ITGB3BP: variants seen among roughly 807,000 people sequenced by gnomAD.
ITGB3BP encodes the protein integrin subunit beta 3 binding protein.
Under a neutral mutation model 29.1 loss-of-function variants are expected in ITGB3BP, and 27 were observed. The observed-to-expected ratio is 0.93, with a 90% CI of 0.68 to 1.28. The LOEUF is 1.28. Ranked by LOEUF, ITGB3BP falls within the 50% of genes most tolerant of loss-of-function variation. The pLI, the probability that ITGB3BP is intolerant of heterozygous loss-of-function variation, is 0.00. For missense variants in ITGB3BP, 192 were observed against 200.2 expected (o/e 0.96, Z 0.25); for synonymous variants, 61 against 61.4 (o/e 0.99, Z 0.03).
chr1:63,474,206 C>T (rs1282814913), intron 4 of ITGB3BP, among the ~76,000 whole-genome samples: 14 of 133,600 alleles, frequency 1.0e-4, no homozygotes, highest in South Asian at 2.7e-4. Context: ...CGCCTCTGCC[C>T]GGCCGCCCCT....
At chr1:63,485,410 C>T (rs1276822731) in intron 3 of ITGB3BP, among the ~76,000 whole-genome samples, 4 of 147,858 alleles carry the variant, frequency 2.7e-5, no homozygotes, top group Non-Finnish European at 4.5e-5. Flanking sequence ...GTTTTTCACC[C>T]GCCCTCCAAT....
intron 7 of ITGB3BP, among the ~76,000 whole-genome samples, chr1:63,450,994 TAG>T (rs1037609887): frequency 1.3e-5 from 2 of 151,948 alleles, no homozygotes; most frequent in Non-Finnish European, 2.9e-5. Context: ...TTTAAAACAC[TAG>T]AGTGTTATTT....
chr1:63,526,976 G>C (rs1646603078), upstream of ITGB3BP, among the ~76,000 whole-genome samples: 1 of 152,154 alleles, frequency 6.6e-6, no homozygotes, highest in Non-Finnish European at 1.5e-5. Context: ...TGTTGGCCAG[G>C]CTGGTCTCGA....
At chr1:63,493,914 T>C (rs537956481) in intron 2 of ITGB3BP, among the ~76,000 whole-genome samples, 1 of 152,360 alleles carries the variant, frequency 6.6e-6, no homozygotes, top group African/African-American at 2.4e-5. Flanking sequence ...ACAGATACTG[T>C]AGTGTCTGGT....
chr1:63,452,861 TTGC>T (rs1465220925), intron 7 of ITGB3BP, among the ~76,000 whole-genome samples: 1 of 152,156 alleles, frequency 6.6e-6, no homozygotes, highest in Non-Finnish European at 1.5e-5. Flanking sequence ...GCACTTTCCA[TTGC>T]CAACCGATCA....
chr1:63,485,549 CAT>C (rs1195781164), intron 3 of ITGB3BP, among the ~76,000 whole-genome samples: 2 of 151,758 alleles, frequency 1.3e-5, no homozygotes, highest in Non-Finnish European at 1.5e-5. Flanking sequence ...ATTAGATTAA[CAT>C]GTTTGCTAAT....
chr1:63,520,437 A>C (rs1422489701), intron 1 of ITGB3BP, among the ~76,000 whole-genome samples: 3 of 152,196 alleles, frequency 2.0e-5, no homozygotes, highest in Non-Finnish European at 4.4e-5. Context: ...CAGAAAGAGG[A>C]GCAAGATTGG....
At chr1:63,520,168 T>C (rs1570344867) in intron 1 of ITGB3BP, among the ~76,000 whole-genome samples, 1 of 152,124 alleles carries the variant, frequency 6.6e-6, no homozygotes, top group African/African-American at 2.4e-5. Context: ...TAAAAAGACA[T>C]GTATCTGTCT....
chr1:63,474,884 A>G (rs528170333), intron 4 of ITGB3BP, among the ~76,000 whole-genome samples: 2 of 10,618 alleles, frequency 1.9e-4, no homozygotes, highest in Non-Finnish European at 4.9e-4. Flanking sequence ...CCCAAGAATG[A>G]TCAATAAAAA....
chr1:63,467,531 T>TGATC (rs1557619622), intron 4 of ITGB3BP, among the ~76,000 whole-genome samples: 1 of 151,396 alleles, frequency 6.6e-6, no homozygotes, highest in Non-Finnish European at 1.5e-5. Flanking sequence ...GCTGATTGAT[T>TGATC]GATTGATTGA....
chr1:63,446,684 T>C, intron 8 of ITGB3BP, 122 bp downstream of exon 8: 2 of 711,504 alleles, frequency 2.8e-6, no homozygotes, highest in Non-Finnish European at 4.9e-6. Flanking sequence ...TCCAAAGCTA[T>C]ATCCCTATTT....
intron 3 of ITGB3BP, among the ~76,000 whole-genome samples, chr1:63,488,159 T>A (rs984235196): frequency 1.3e-5 from 2 of 152,140 alleles, no homozygotes; most frequent in Non-Finnish European, 2.9e-5. Flanking sequence ...ACATAGTACA[T>A]GGTTCAAATG....
At chr1:63,468,189 A>T (rs909368258) in intron 4 of ITGB3BP, among the ~76,000 whole-genome samples, 9 of 152,098 alleles carry the variant, frequency 5.9e-5, no homozygotes, top group African/African-American at 2.2e-4. Flanking sequence ...CTCTTTTCCT[A>T]CTTCCAATTT....
chr1:63,496,710 TG>T (rs1252951875), intron 2 of ITGB3BP, among the ~76,000 whole-genome samples: 3 of 152,182 alleles, frequency 2.0e-5, no homozygotes, highest in Admixed American at 2.0e-4. Context: ...CAATAAGGGC[TG>T]GCTTTTCTAC....
upstream of ITGB3BP, chr1:63,525,479 CT>C: frequency 1.9e-6 from 2 of 1,052,172 alleles, no homozygotes; most frequent in Non-Finnish European, 2.6e-6. Context: ...TGTATAAAAT[CT>C]TGATTCTCCT....
intron 8 of ITGB3BP, among the ~76,000 whole-genome samples, chr1:63,444,127 C>T (rs1570107695): frequency 1.3e-5 from 2 of 152,236 alleles, no homozygotes; most frequent in South Asian, 4.1e-4. Context: ...GGTAGCTCAA[C>T]CTTAATTCTT....
intron 2 of ITGB3BP, among the ~76,000 whole-genome samples, chr1:63,501,087 G>A (rs796916645): frequency 6.6e-6 from 1 of 151,982 alleles, no homozygotes; most frequent in South Asian, 2.1e-4. Context: ...CAAATGGTAG[G>A]GACTAGATTC....
At chr1:63,516,902 T>C (rs965337059) in intron 1 of ITGB3BP, among the ~76,000 whole-genome samples, 1 of 152,056 alleles carries the variant, frequency 6.6e-6, no homozygotes, top group Non-Finnish European at 1.5e-5. Flanking sequence ...CAATGTTCAC[T>C]ATTTGTGTGA....
intron 1 of ITGB3BP, among the ~76,000 whole-genome samples, chr1:63,521,194 T>C (rs17391823): frequency 0.24 from 36,517 of 151,764 alleles, 5,014 homozygotes; most frequent in Non-Finnish European, 0.32. Flanking sequence ...TGAATCCACC[T>C]GCATATGTAA....
Sources: allele counts gnomAD v4.1 joint callset (sites outside exome capture counted in the v4.1 genomes callset), GRCh38; gene constraint gnomAD v4.1.1; transcripts MANE v1.5; gene names NCBI Gene and HGNC (gene_info 2026-07-23, HGNC 2026-07-21).